Variants in MYO1D observed in about 807,000 individuals in gnomAD.
MYO1D encodes myosin ID.
Under a neutral mutation model 122.0 loss-of-function variants are expected in MYO1D, and 83 were observed. The ratio of observed to expected loss-of-function variants is 0.68; its 90% CI spans 0.57 to 0.82. The LOEUF (loss-of-function observed/expected upper bound fraction) is 0.82. MYO1D is among the 40% of genes least tolerant of loss of function. The pLI, the probability that MYO1D is intolerant of heterozygous loss-of-function variation, is 0.00. For synonymous variants in MYO1D, 464 were observed against 446.9 expected (o/e 1.04, Z -0.48); for missense variants, 1,157 against 1,269.5 (o/e 0.91, Z 1.35).
At chr17:32,575,049 C>T (rs539592344) in intron 21 of MYO1D, among the ~76,000 whole-genome samples, 4 of 152,050 alleles carry the variant, frequency 2.6e-5, no homozygotes, top group African/African-American at 7.2e-5. Flanking sequence ...TGGGAAGTAT[C>T]GGAAGTATTA....
intron 5 of MYO1D, among the ~76,000 whole-genome samples, chr17:32,772,273 C>T (rs530416052): frequency 2.6e-5 from 4 of 152,270 alleles, no homozygotes; most frequent in African/African-American, 9.6e-5. Context: ...AATAAATACT[C>T]AAATTTTTTT....
intron 1 of MYO1D, among the ~76,000 whole-genome samples, chr17:32,825,156 G>A (rs1408057468): frequency 1.3e-5 from 2 of 152,162 alleles, no homozygotes; most frequent in Non-Finnish European, 2.9e-5. Context: ...CGTTGAGCTT[G>A]TTTGGGTGTA....
intron 16 of MYO1D, among the ~76,000 whole-genome samples, chr17:32,697,475 T>C (rs188232011): frequency 4.6e-5 from 7 of 152,194 alleles, no homozygotes; most frequent in East Asian, 1.9e-4. Context: ...TGGACTAGCA[T>C]TGGGGGCAAC....
chr17:32,839,434 T>C (rs1300881724), intron 1 of MYO1D, among the ~76,000 whole-genome samples: 1 of 152,184 alleles, frequency 6.6e-6, no homozygotes. Flanking sequence ...CCAGAGAATT[T>C]AAGTGCTTTT....
At chr17:32,683,788 C>G (rs1456220443) in intron 16 of MYO1D, among the ~76,000 whole-genome samples, 17 of 150,872 alleles carry the variant, frequency 1.1e-4, no homozygotes, top group Non-Finnish European at 6.0e-5. Context: ...CCAGGAGCTT[C>G]CCGGCTGCTT....
intron 21 of MYO1D, among the ~76,000 whole-genome samples, chr17:32,507,869 C>A (rs1437863415): frequency 4.6e-5 from 7 of 151,412 alleles, no homozygotes; most frequent in Admixed American, 4.6e-4. Context: ...AGAGAGCCCT[C>A]ACCAGAACCC....
chr17:32,738,850 G>C (rs1220959963), intron 13 of MYO1D, among the ~76,000 whole-genome samples: 1 of 151,956 alleles, frequency 6.6e-6, no homozygotes, highest in Non-Finnish European at 1.5e-5. Flanking sequence ...TAACACTACA[G>C]AAAGCCTGCT....
rs80334216 is a variant in MYO1D, at chr17:32,601,422, G to A, written c.2864+3665C>T. ...TCAGTGGAGCAGTCAGAACGCACACGACATTGATCAGTTAAGTCTGTTGTC... is the reference window on the plus strand; with the variant it reads ...TCAGTGGAGCAGTCAGAACGCACACAACATTGATCAGTTAAGTCTGTTGTC... On this transcript the variant is annotated intron_variant, in intron 21 of 21. Transcript: ENST00000318217. Among the ~76,000 whole-genome samples the A allele has an allele frequency of 2.1e-3, 327 of 152,236 alleles. 11 individuals carry two copies. In the East Asian group the frequency reaches 0.053, roughly 25 times the overall value.
intron 8 of MYO1D, among the ~76,000 whole-genome samples, chr17:32,760,913 T>C (rs182060077): frequency 3.9e-5 from 6 of 152,368 alleles, no homozygotes; most frequent in Non-Finnish European, 7.4e-5. Flanking sequence ...GCTATATCAA[T>C]AGTTTGCCTG....
intron 1 of MYO1D, among the ~76,000 whole-genome samples, chr17:32,829,776 A>G (rs1343317676): frequency 6.6e-6 from 1 of 152,150 alleles, no homozygotes; most frequent in Non-Finnish European, 1.5e-5. Context: ...TTAAACTAAC[A>G]AGGAAATGAG....
intron 1 of MYO1D, among the ~76,000 whole-genome samples, chr17:32,813,740 G>A (rs1422814647): frequency 6.6e-6 from 1 of 152,196 alleles, no homozygotes; most frequent in African/African-American, 2.4e-5. Flanking sequence ...CAGCATGGAA[G>A]TCTTAAGACT....
At chr17:32,499,525 T>C (rs536474563) in intron 21 of MYO1D, among the ~76,000 whole-genome samples, 1 of 151,802 alleles carries the variant, frequency 6.6e-6, no homozygotes, top group Non-Finnish European at 1.5e-5. Context: ...TCCCAGCTAC[T>C]CGGGAGGCTG....
chr17:32,694,642 A>G (rs1172194959), intron 16 of MYO1D, among the ~76,000 whole-genome samples: 1 of 132,446 alleles, frequency 7.6e-6, no homozygotes, highest in Non-Finnish European at 1.5e-5. Context: ...CGGAGCTTGC[A>G]GTGAGCCGAG....
At chr17:32,773,539 C>T (rs1218401380) in intron 4 of MYO1D, among the ~76,000 whole-genome samples, 5 of 149,558 alleles carry the variant, frequency 3.3e-5, no homozygotes, top group Non-Finnish European at 7.4e-5. Context: ...TACCCCCACC[C>T]CCCGACCCCG....
At chr17:32,769,555 T>C (rs1040269672) in intron 6 of MYO1D, among the ~76,000 whole-genome samples, 5 of 152,092 alleles carry the variant, frequency 3.3e-5, no homozygotes, top group Non-Finnish European at 5.9e-5. Flanking sequence ...CACAGTGCAA[T>C]ACTTAATAGT....
At chr17:32,848,963 TTAAGTA>T (rs1466886382) in intron 1 of MYO1D, among the ~76,000 whole-genome samples, 2 of 152,182 alleles carry the variant, frequency 1.3e-5, no homozygotes, top group Non-Finnish European at 2.9e-5. Flanking sequence ...ACATATATTA[TTAAGTA>T]TAAGAAGAAA....
At chr17:32,618,639 C>CT (rs35604698) in intron 20 of MYO1D, among the ~76,000 whole-genome samples, 70,009 of 144,030 alleles carry the variant, frequency 0.49, 17,731 homozygotes, top group African/African-American at 0.64. Context: ...TTAATTAATT[C>CT]TTTTTTTTTT....
chr17:32,624,514 C>T (rs955140275), intron 20 of MYO1D, among the ~76,000 whole-genome samples: 2 of 152,172 alleles, frequency 1.3e-5, no homozygotes, highest in South Asian at 2.1e-4. Context: ...TACTAACATA[C>T]TAACATTTTT....
At chr17:32,636,785 T>C (rs1458133675) in intron 20 of MYO1D, among the ~76,000 whole-genome samples, 1 of 152,138 alleles carries the variant, frequency 6.6e-6, no homozygotes, top group Non-Finnish European at 1.5e-5. Context: ...ACACAATGAG[T>C]GCCTAGGCAC....
Sources: gnomAD v4.1 joint callset for allele counts (sites outside exome capture counted in the v4.1 genomes callset) on GRCh38, gnomAD v4.1.1 for gene constraint, MANE v1.5 for transcripts, NCBI Gene and HGNC (gene_info 2026-07-23, HGNC 2026-07-21) for gene names.